The following PUM2 variants were observed in gnomAD, a reference collection of about 807,000 sequenced individuals.
PUM2 encodes the protein pumilio RNA binding family member 2.
PUM2 carries 57 observed loss-of-function variants against 124.5 expected under a neutral mutation model. The observed-to-expected ratio is 0.46, with a 90% confidence interval of 0.37 to 0.57. The LOEUF (loss-of-function observed/expected upper bound fraction) is 0.57. Among genes scored for constraint, PUM2 ranks in the 20% least tolerant of loss-of-function variants. PUM2 has a pLI of 0.00. For missense variants in PUM2, 1,065 were observed against 1,290.6 expected, an observed-to-expected ratio of 0.83 and a Z score of 2.68; for synonymous variants, 460 against 446.1, an observed-to-expected ratio of 1.03 and a Z score of -0.39.
chr2:20,330,299 G>C (rs901189401), intron 1 of PUM2, among the ~76,000 whole-genome samples: 3 of 152,150 alleles, frequency 2.0e-5, no homozygotes, highest in Non-Finnish European at 4.4e-5. Flanking sequence ...CCATGTCCTG[G>C]CAAAAAGCTC....
intron 7 of PUM2, among the ~76,000 whole-genome samples, chr2:20,302,272 T>C (rs1369820320): frequency 6.6e-6 from 1 of 152,214 alleles, no homozygotes; most frequent in Non-Finnish European, 1.5e-5. Context: ...AGGAAAACTG[T>C]ACCAGTTTAC....
intron 13 of PUM2, among the ~76,000 whole-genome samples, chr2:20,266,310 G>T (rs544112296): frequency 6.6e-6 from 1 of 152,162 alleles, no homozygotes; most frequent in East Asian, 1.9e-4. Context: ...AGGAGTGGTG[G>T]TGTGTGCCTG....
At chr2:20,279,569 G>C (rs1026509034) in intron 12 of PUM2, among the ~76,000 whole-genome samples, 2 of 152,098 alleles carry the variant, frequency 1.3e-5, no homozygotes, top group Non-Finnish European at 1.5e-5. Context: ...AGGCTGATCA[G>C]GTTTTTGTCA....
At chr2:20,307,005 C>A (rs936149011) in intron 7 of PUM2, among the ~76,000 whole-genome samples, 2 of 151,652 alleles carry the variant, frequency 1.3e-5, no homozygotes, top group African/African-American at 4.8e-5. Context: ...ACCTGAGATC[C>A]GGAGTTCAAG....
At chr2:20,293,501 G>A (rs1674736591) in intron 9 of PUM2, among the ~76,000 whole-genome samples, 1 of 152,154 alleles carries the variant, frequency 6.6e-6, no homozygotes, top group African/African-American at 2.4e-5. Context: ...TTGAGGCCAG[G>A]AGTTCAAGAC....
At position 20,340,445 on chromosome 2, in the gene PUM2, G is replaced by A. The variant is rs946280523; in HGVS notation, c.-19+10152C>T. On this transcript the variant is annotated intron_variant, in intron 1 of 20. Coordinates refer to ENST00000361078, the MANE Select transcript of PUM2 (RefSeq NM_015317.5). ...TAACTGATTCCCAGAAGACTTAAAT[G>A]CACTAACAGATGTAGTCTGGAAACT... 2.6e-5 allele frequency among the ~76,000 whole-genome samples: 4 copies of A among 152,272 alleles called. No individual in the cohort carries two copies. The South Asian group carries it at 8.3e-4, about 32-fold the overall frequency.
intron 7 of PUM2, among the ~76,000 whole-genome samples, chr2:20,305,463 GA>G (rs67834545): frequency 0.28 from 12,690 of 45,524 alleles, 188 homozygotes; most frequent in East Asian, 0.44. Context: ...CCCTGTCTTC[GA>G]AAAAAAAAAA....
chr2:20,304,587 GACCAA>G (rs1677776284), intron 7 of PUM2, among the ~76,000 whole-genome samples: 1 of 152,112 alleles, frequency 6.6e-6, no homozygotes, highest in Non-Finnish European at 1.5e-5. Flanking sequence ...GAGTGGTCGT[GACCAA>G]ACCCATATGG....
At chr2:20,338,157 G>A (rs1477773545) in intron 1 of PUM2, among the ~76,000 whole-genome samples, 1 of 152,154 alleles carries the variant, frequency 6.6e-6, no homozygotes, top group Admixed American at 6.5e-5. Flanking sequence ...AGCACTTTAG[G>A]AGGCTGAGGC....
chr2:20,293,277 C>A (rs1218167225), intron 9 of PUM2, among the ~76,000 whole-genome samples: 1 of 152,136 alleles, frequency 6.6e-6, no homozygotes, highest in East Asian at 1.9e-4. Flanking sequence ...GCATCAAACA[C>A]AGGTGTGTAT....
At position 20,308,355 on chromosome 2, in the gene PUM2, C is replaced by T. The variant is rs1327953151; in HGVS notation, c.748G>A (p.Gly250Arg). The T allele has an allele frequency of 1.9e-6, 3 of 1,614,038 alleles. No homozygotes were observed. Among genetic ancestry groups the T allele is most frequent in the Non-Finnish European group, 2.5e-6 (3 of 1,179,900 alleles). The change falls in exon 6 of 21, where the codon GGA becomes AGA. Residue 250 changes from glycine (G) to arginine (R), a missense_variant. By Grantham distance (125) the Gly-to-Arg change is moderately radical. Coordinates refer to ENST00000361078, the MANE Select transcript of PUM2 (RefSeq NM_015317.5). The part of the protein sequence containing the change: ...PGNQVPMDSS[G>R]ATVGLFDYNS... ...TAGTCAAAAAGGCCTACAGTAGCTC[C>T]TGAAGAGTCCATTGGTACCTGATTA... is the stretch of plus-strand genomic sequence containing the variant.
chr2:20,282,075 C>T (rs116055675), intron 12 of PUM2, among the ~76,000 whole-genome samples: 283 of 152,310 alleles, frequency 1.9e-3, no homozygotes, highest in Non-Finnish European at 3.3e-3. Flanking sequence ...CTCTTGAGGT[C>T]CAAATAGTCC....
chr2:20,260,714 T>TGCTTAACCAC (rs1199419834), intron 14 of PUM2, among the ~76,000 whole-genome samples: 1 of 152,252 alleles, frequency 6.6e-6, no homozygotes, highest in African/African-American at 2.4e-5. Context: ...TTGGTTACAT[T>TGCTTAACCAC]ATAATCAATA....
Position 20,312,239 on chromosome 2 carries a change from A to T in PUM2, c.345T>A (p.Asn115Lys), listed in dbSNP as rs1164812261. ...DKLDSRFRKG[N>K]FGTRDAETDG... ...TTTCTTTATTCAAAATACTTACAAA[A>T]TTTCCCTTCCTAAATCGAGAATCCA... The change falls in exon 4 of 21, where the codon AAT becomes AAA. Residue 115 changes from asparagine (N) to lysine (K), a missense_variant. By Grantham distance (94) the Asn-to-Lys change is moderately conservative. Transcript: ENST00000361078. 6.3e-7 allele frequency: 1 copy of T among 1,587,706 alleles called. No homozygotes were observed. Among genetic ancestry groups the T allele is most frequent in the East Asian group, 2.2e-5 (1 of 44,584 alleles).
At chr2:20,266,019 C>G (rs1032639552) in intron 13 of PUM2, among the ~76,000 whole-genome samples, 2 of 152,144 alleles carry the variant, frequency 1.3e-5, no homozygotes, top group Admixed American at 1.3e-4. Flanking sequence ...TATTGATATT[C>G]TATCAGCTCC....
At chr2:20,263,058 CAT>C in intron 14 of PUM2, 133 bp downstream of exon 14, 3 of 767,616 alleles carry the variant, frequency 3.9e-6, no homozygotes, top group East Asian at 2.7e-5. Flanking sequence ...AAAGAAAAAA[CAT>C]ATAATCCATA....
intron 2 of PUM2, among the ~76,000 whole-genome samples, chr2:20,325,345 T>C (rs1478532198): frequency 6.6e-6 from 1 of 152,220 alleles, no homozygotes; most frequent in Non-Finnish European, 1.5e-5. Context: ...TGGTCACTTT[T>C]ACTCTCCATA....
At chr2:20,260,565 A>C in intron 14 of PUM2, 99 bp from the exon 15 acceptor site, 6 of 1,065,788 alleles carry the variant, frequency 5.6e-6, no homozygotes, top group Non-Finnish European at 7.9e-6. Context: ...TTATTTCCAT[A>C]AATATTACCA....
rs1257887804 is a variant in PUM2 at position 20,249,556 on chromosome 2, C to G, written c.*2029G>C. The G allele has an allele frequency of 6.6e-6, 1 of 152,590 alleles. No individual in the cohort carries two copies. Among genetic ancestry groups the G allele is most frequent in the Admixed American group, 6.5e-5 (1 of 15,284 alleles). The allele number at this position is 152,590 out of a possible 1,614,324, so 9.5% of individuals were successfully genotyped here. A position where few individuals can be genotyped will look rare whatever the true frequency, so the allele number is the denominator to read the frequency against. ...CAACACCAAACATGAAAAAGTATGC[C>G]TGGCATCCCCAAACTTTATGCCATT... On this transcript the variant is annotated 3_prime_UTR_variant, in exon 21 of 21. Coordinates refer to ENST00000361078, the MANE Select transcript of PUM2 (RefSeq NM_015317.5).
Sources: gnomAD v4.1 joint callset for allele counts (sites outside exome capture counted in the v4.1 genomes callset) on GRCh38, gnomAD v4.1.1 for gene constraint, MANE v1.5 for transcripts, NCBI Gene and HGNC (gene_info 2026-07-23, HGNC 2026-07-21) for gene names.